The following FBLN7 variants were observed in gnomAD, a reference collection of about 807,000 sequenced individuals.
FBLN7 encodes the protein fibulin-7.
FBLN7 carries 31 observed loss-of-function variants against 44.0 expected under a neutral mutation model. The ratio of observed to expected loss-of-function variants is 0.70; its 90% CI spans 0.53 to 0.95. The LOEUF is 0.95. FBLN7 is among the 40% of genes least tolerant of loss of function. The pLI, the probability that FBLN7 is intolerant of heterozygous loss-of-function variation, is 0.00. For synonymous variants in FBLN7, 262 were observed against 253.4 expected (o/e 1.03, Z -0.32); for missense variants, 573 against 618.5 (o/e 0.93, Z 0.78).
chr2:112,218,391 T>C, the FBLN7 span, among the ~76,000 whole-genome samples: 7 of 152,156 alleles, frequency 4.6e-5, no homozygotes, highest in Non-Finnish European at 1.0e-4. Context: ...TTATTGAGTA[T>C]GGTGCATTCC....
At chr2:112,225,626 G>A in the FBLN7 span, among the ~76,000 whole-genome samples, 7 of 152,202 alleles carry the variant, frequency 4.6e-5, no homozygotes. Context: ...AGACCAGCGT[G>A]GCCAACATGG....
the FBLN7 span, among the ~76,000 whole-genome samples, chr2:112,201,354 G>A: frequency 7.2e-5 from 11 of 152,228 alleles, no homozygotes; most frequent in Admixed American, 3.3e-4. Context: ...TCCTTGCCAA[G>A]ATTTAACAGA....
the FBLN7 span, among the ~76,000 whole-genome samples, chr2:112,202,582 G>A: frequency 3.3e-5 from 5 of 152,026 alleles, no homozygotes; most frequent in African/African-American, 1.2e-4. Flanking sequence ...TAAAAACACT[G>A]CCAAAACAGT....
intron 5 of FBLN7, among the ~76,000 whole-genome samples, chr2:112,182,232 TGG>T (rs1683039854): frequency 1.3e-5 from 2 of 152,084 alleles, no homozygotes; most frequent in Admixed American, 6.6e-5. Context: ...GGCCCGGAGC[TGG>T]GTAGGGGTGT....
chr2:112,156,955 T>G (rs985133607), intron 1 of FBLN7, among the ~76,000 whole-genome samples: 6 of 152,134 alleles, frequency 3.9e-5, no homozygotes, highest in Non-Finnish European at 7.4e-5. Context: ...TTGGTGAGGC[T>G]GGAAGCCACC....
At chr2:112,147,109 G>C (rs1237930317) in intron 1 of FBLN7, among the ~76,000 whole-genome samples, 2 of 152,300 alleles carry the variant, frequency 1.3e-5, no homozygotes, top group East Asian at 3.9e-4. Context: ...TTCTGGAAGA[G>C]ATGGTGTAGA....
downstream of FBLN7, chr2:112,190,469 C>T (rs1181774495): frequency 1.3e-5 from 2 of 152,102 alleles, no homozygotes; most frequent in Non-Finnish European, 2.9e-5. Flanking sequence ...CTTTATTTTT[C>T]AGTTTTCAAA....
the FBLN7 span, among the ~76,000 whole-genome samples, chr2:112,197,274 C>CAGAGAGAG: frequency 5.1e-5 from 5 of 98,594 alleles, no homozygotes; most frequent in East Asian, 2.6e-4. Flanking sequence ...CACACACACA[C>CAGAGAGAG]AGAGAGAGAG....
At chr2:112,218,677 CATAGAG>C in the FBLN7 span, among the ~76,000 whole-genome samples, 2 of 152,016 alleles carry the variant, frequency 1.3e-5, no homozygotes, top group African/African-American at 2.4e-5. Context: ...AATTTGGAAA[CATAGAG>C]AGAGAGAGAG....
chr2:112,231,275 A>T, the FBLN7 span, among the ~76,000 whole-genome samples: 1 of 152,186 alleles, frequency 6.6e-6, no homozygotes, highest in Non-Finnish European at 1.5e-5. Flanking sequence ...TTTTGCCAGA[A>T]GATCGTATGG....
chr2:112,202,473 G>A, the FBLN7 span, among the ~76,000 whole-genome samples: 2 of 151,342 alleles, frequency 1.3e-5, no homozygotes, highest in Non-Finnish European at 2.9e-5. Flanking sequence ...TTTTTAAAAG[G>A]TATTGTGATG....
At chr2:112,185,485 TC>T in intron 7 of FBLN7, 146 bp downstream of exon 7, 1 of 1,142,034 alleles carries the variant, frequency 8.8e-7, no homozygotes, top group Non-Finnish European at 1.2e-6. Flanking sequence ...TCTCTGAATT[TC>T]CATTTCCGCT....
chr2:112,232,493 AAT>A, the FBLN7 span, among the ~76,000 whole-genome samples: 2 of 152,086 alleles, frequency 1.3e-5, no homozygotes, highest in African/African-American at 4.8e-5. Flanking sequence ...CCATTCTTAT[AAT>A]AGAGTACAGG....
the FBLN7 span, chr2:112,216,185 G>T: frequency 2.0e-5 from 3 of 152,168 alleles, no homozygotes; most frequent in Non-Finnish European, 4.4e-5. Flanking sequence ...TCAATCAGAA[G>T]AGGTTTCTAC....
the FBLN7 span, chr2:112,234,153 A>C: frequency 1.2e-6 from 2 of 1,601,586 alleles, no homozygotes; most frequent in African/African-American, 2.7e-5. Context: ...AATATTTACA[A>C]ATTTGTTTTC....
chr2:112,159,024 G>A (rs1471956543), intron 1 of FBLN7, among the ~76,000 whole-genome samples: 1 of 152,134 alleles, frequency 6.6e-6, no homozygotes, highest in East Asian at 1.9e-4. Flanking sequence ...ATAAGTTTCT[G>A]TTGTTTGAAC....
At chr2:112,173,210 C>T (rs550010605) in intron 3 of FBLN7, among the ~76,000 whole-genome samples, 1 of 151,902 alleles carries the variant, frequency 6.6e-6, no homozygotes, top group Non-Finnish European at 1.5e-5. Context: ...ATGAAGTTAG[C>T]AAAGCTATAT....
At position 112,187,568 on chromosome 2, in the gene FBLN7, C is replaced by T; in HGVS notation, c.*62C>T. Reference sequence around the variant, plus strand: ...TCATTTCTCTTCCCCGAAGGCTCAGCTTCGGGCACCGACTGCGTGGAGCCT... The same window carrying T: ...TCATTTCTCTTCCCCGAAGGCTCAGTTTCGGGCACCGACTGCGTGGAGCCT... On this transcript the variant is annotated 3_prime_UTR_variant, in exon 8 of 8. Transcript: ENST00000331203. The surrounding 1 kb of genome is among the most constrained non-coding windows in gnomAD (Gnocchi z 5.1). The T allele has an allele frequency of 6.4e-7, 1 of 1,572,072 alleles. No homozygotes were observed. The highest frequency in any genetic ancestry group is 1.2e-5 in the South Asian group (1 of 84,320).
At chr2:112,208,580 T>C in the FBLN7 span, among the ~76,000 whole-genome samples, 1 of 152,216 alleles carries the variant, frequency 6.6e-6, no homozygotes, top group African/African-American at 2.4e-5. Context: ...CTTGTTTTAC[T>C]GGCCATTTCT....
Sources: allele counts gnomAD v4.1 joint callset (sites outside exome capture counted in the v4.1 genomes callset), GRCh38; gene constraint gnomAD v4.1.1; non-coding constraint Gnocchi (gnomAD v3.1); transcripts MANE v1.5; gene names NCBI Gene and HGNC (gene_info 2026-07-23, HGNC 2026-07-21).